The following ADAMTS19 variants were observed in gnomAD, a reference collection of about 807,000 sequenced individuals.
ADAMTS19 encodes A disintegrin and metalloproteinase with thrombospondin motifs 19.
ADAMTS19 carries 93 observed loss-of-function variants against 153.3 expected under a neutral mutation model. The observed-to-expected ratio is 0.61, with a 90% confidence interval of 0.51 to 0.72. The LOEUF is 0.72. Among genes scored for constraint, ADAMTS19 ranks in the 30% least tolerant of loss-of-function variants. The pLI is 0.00. For synonymous variants in ADAMTS19, 600 were observed against 556.6 expected (o/e 1.08, Z -1.10); for missense variants, 1,482 against 1,552.1 (o/e 0.95, Z 0.76).
intron 11 of ADAMTS19, among the ~76,000 whole-genome samples, chr5:129,646,950 C>T (rs964988815): frequency 2.6e-5 from 4 of 152,048 alleles, no homozygotes; most frequent in African/African-American, 4.8e-5. Flanking sequence ...ACCTGTCCCC[C>T]AAATTCTAGC....
In ADAMTS19 at chr5:129,608,842, G is replaced by C. The variant is rs1190050013; in HGVS notation, c.1479-11776G>C. Among the ~76,000 whole-genome samples, 6 of 91,246 alleles carry C rather than the reference G, an allele frequency of 6.6e-5. No homozygotes were observed. The Admixed American group carries it at 7.8e-4, about 12-fold the overall frequency. 59.9% of individuals were successfully genotyped at this position (91,246 alleles called of 152,430 possible). On this transcript the variant is annotated intron_variant, in intron 8 of 22. Coordinates refer to ENST00000274487, the MANE Select transcript of ADAMTS19 (RefSeq NM_133638.6). ...AGCCTGGTCAATACAGCAAGACTCTGTCTCAAAAAAAAAAGAAAAAAAAAA... is the reference window on the plus strand; with the variant it reads ...AGCCTGGTCAATACAGCAAGACTCTCTCTCAAAAAAAAAAGAAAAAAAAAA...
intron 21 of ADAMTS19, among the ~76,000 whole-genome samples, chr5:129,716,766 C>T (rs1322910726): frequency 3.3e-5 from 5 of 152,018 alleles, no homozygotes; most frequent in Non-Finnish European, 7.4e-5. Context: ...CTGCATACTC[C>T]TCCTCCCACA....
intron 10 of ADAMTS19, among the ~76,000 whole-genome samples, chr5:129,628,147 T>G (rs1752137320): frequency 6.6e-6 from 1 of 152,110 alleles, no homozygotes; most frequent in Non-Finnish European, 1.5e-5. Flanking sequence ...CCGTGTCTTT[T>G]GCAGGAACAT....
chr5:129,552,985 G>A (rs1753182308), intron 7 of ADAMTS19, among the ~76,000 whole-genome samples: 2 of 152,044 alleles, frequency 1.3e-5, no homozygotes, highest in African/African-American at 2.4e-5. Flanking sequence ...CGGAATTGAT[G>A]TAGGGACCAT....
At chr5:129,522,326 C>T (rs1326009790) in intron 3 of ADAMTS19, among the ~76,000 whole-genome samples, 14 of 86,556 alleles carry the variant, frequency 1.6e-4, no homozygotes, top group Admixed American at 3.7e-4. Flanking sequence ...TACACACACA[C>T]ACACACATAT....
At chr5:129,515,306 GT>G (rs112364623) in intron 3 of ADAMTS19, among the ~76,000 whole-genome samples, 189 of 147,154 alleles carry the variant, frequency 1.3e-3, no homozygotes, top group Non-Finnish European at 2.3e-3. Context: ...TTTTAGGACT[GT>G]TTTTTTTTTC....
At chr5:129,649,653 A>G (rs1387112349) in intron 13 of ADAMTS19, among the ~76,000 whole-genome samples, 1 of 152,150 alleles carries the variant, frequency 6.6e-6, no homozygotes, top group Non-Finnish European at 1.5e-5. Flanking sequence ...TGATTGCGGC[A>G]GTGGTTGCAC....
At chr5:129,725,367 C>T (rs113470466) in intron 21 of ADAMTS19, among the ~76,000 whole-genome samples, 1 of 152,010 alleles carries the variant, frequency 6.6e-6, no homozygotes, top group Non-Finnish European at 1.5e-5. Context: ...GCACAACGGC[C>T]GGCTCACACT....
At chr5:129,549,124 T>G (rs945370415) in intron 6 of ADAMTS19, among the ~76,000 whole-genome samples, 2 of 150,626 alleles carry the variant, frequency 1.3e-5, no homozygotes, top group African/African-American at 4.9e-5. Flanking sequence ...CATGTATACA[T>G]ATGTAACAAA....
chr5:129,664,344 C>A (rs1344473423), intron 15 of ADAMTS19, among the ~76,000 whole-genome samples: 1 of 152,090 alleles, frequency 6.6e-6, no homozygotes, highest in Non-Finnish European at 1.5e-5. Flanking sequence ...GTGCAAATAG[C>A]CATTATGCAT....
chr5:129,718,870 T>C (rs959799029), intron 21 of ADAMTS19, among the ~76,000 whole-genome samples: 11 of 152,340 alleles, frequency 7.2e-5, no homozygotes, highest in South Asian at 2.1e-4. Context: ...GTGACAATTT[T>C]CCCTTAATTT....
chr5:129,552,917 G>T (rs1032648864), intron 7 of ADAMTS19, among the ~76,000 whole-genome samples: 18 of 152,016 alleles, frequency 1.2e-4, no homozygotes, highest in Non-Finnish European at 2.5e-4. Flanking sequence ...GGAATCAAGG[G>T]AATATTTGGT....
chr5:129,528,938 T>C (rs552379183), intron 6 of ADAMTS19, among the ~76,000 whole-genome samples: 2 of 152,236 alleles, frequency 1.3e-5, no homozygotes, highest in East Asian at 3.9e-4. Context: ...GCATAGTCAT[T>C]GATAATGATA....
chr5:129,678,222 T>G (rs1210010520), intron 16 of ADAMTS19, among the ~76,000 whole-genome samples: 1 of 152,186 alleles, frequency 6.6e-6, no homozygotes, highest in Admixed American at 6.5e-5. Flanking sequence ...TTTGACTTCA[T>G]GCACATGGGT....
intron 2 of ADAMTS19, among the ~76,000 whole-genome samples, chr5:129,470,047 T>C (rs886171513): frequency 6.6e-6 from 1 of 152,204 alleles, no homozygotes; most frequent in Non-Finnish European, 1.5e-5. Flanking sequence ...TATTTAATCA[T>C]ATATTAACCT....
chr5:129,714,425 C>A (rs941710107), intron 21 of ADAMTS19, among the ~76,000 whole-genome samples: 2,679 of 97,322 alleles, frequency 0.028, no homozygotes, highest in South Asian at 0.037. Flanking sequence ...GACTCCGTCT[C>A]AAAAAAAAAA....
chr5:129,607,697 C>T (rs1233252763), intron 8 of ADAMTS19, among the ~76,000 whole-genome samples: 1 of 152,056 alleles, frequency 6.6e-6, no homozygotes, highest in African/African-American at 2.4e-5. Context: ...AATTATATTT[C>T]AGTTATGATG....
intron 10 of ADAMTS19, among the ~76,000 whole-genome samples, chr5:129,623,440 G>C (rs1353154581): frequency 2.0e-5 from 3 of 152,204 alleles, no homozygotes; most frequent in Admixed American, 2.0e-4. Flanking sequence ...AATTGGTTAA[G>C]TATCGCTGAA....
chr5:129,686,613 AGT>A (rs1755103022), intron 18 of ADAMTS19, among the ~76,000 whole-genome samples: 1 of 152,032 alleles, frequency 6.6e-6, no homozygotes, highest in Non-Finnish European at 1.5e-5. Flanking sequence ...CTACAGGGAG[AGT>A]AAGAGGCTGT....
Sources: gnomAD v4.1 joint callset for allele counts (sites outside exome capture counted in the v4.1 genomes callset) on GRCh38, gnomAD v4.1.1 for gene constraint, MANE v1.5 for transcripts, NCBI Gene and HGNC (gene_info 2026-07-23, HGNC 2026-07-21) for gene names.